XPNPEP1: variants seen among roughly 807,000 people sequenced by gnomAD.
XPNPEP1 encodes the protein X-prolyl aminopeptidase 1, also known as xaa-Pro aminopeptidase 1.
In XPNPEP1, 39 loss-of-function variants were observed where a neutral mutation model predicts 92.4. The ratio of observed to expected loss-of-function variants is 0.42; its 90% CI spans 0.33 to 0.55. The LOEUF (loss-of-function observed/expected upper bound fraction) is 0.55. Ranked by LOEUF, XPNPEP1 falls within the 20% of genes least tolerant of loss-of-function variation. The probability of loss-of-function intolerance (pLI) is 0.08; values close to 1 mark genes in which losing one functional copy is unlikely to be tolerated. For synonymous variants in XPNPEP1, 307 were observed against 299.4 expected (o/e 1.03, Z -0.26); for missense variants, 654 against 856.1 (o/e 0.76, Z 2.95).
At chr10:109,918,130 A>C (rs1164718257) in intron 1 of XPNPEP1, among the ~76,000 whole-genome samples, 1 of 151,892 alleles carries the variant, frequency 6.6e-6, no homozygotes, top group Non-Finnish European at 1.5e-5. Context: ...AAAAACAAAA[A>C]AACAAAAAAG....
rs1206483436 is a variant in XPNPEP1, at chr10:109,865,232, A to C, written c.1953T>G (p.Ala651=). The change falls in exon 21 of 21, where the codon GCT becomes GCG. Residue 651 remains alanine (A), a synonymous_variant. Transcript: ENST00000502935. Reference sequence around the variant, plus strand: ...GCGTCTCTCTGATGAGCCACTCGAGAGCTTCCTGGCGGCCCTGTTTCTGCA... The same window carrying C: ...GCGTCTCTCTGATGAGCCACTCGAGCGCTTCCTGGCGGCCCTGTTTCTGCA... The part of the protein sequence containing the change: ...KELQKQGRQE[A]LEWLIRETQP... The C allele has an allele frequency of 2.5e-6, 4 of 1,614,070 alleles. No individual in the cohort carries two copies.
In XPNPEP1 at chr10:109,867,079, G is replaced by A. The variant is rs963237701; in HGVS notation, c.1872+1535C>T. Among the ~76,000 whole-genome samples, 7 of 152,224 alleles carry A rather than the reference G, an allele frequency of 4.6e-5. No individual in the cohort carries two copies. The highest frequency in any genetic ancestry group is 1.4e-4 in the African/African-American group (6 of 41,458). ...CTGCATGACCTAGAATTACTTGGCA[G>A]GAATCCATAGCCTTGGACTTCCAAG... On this transcript the variant is annotated intron_variant, in intron 20 of 20. Coordinates refer to ENST00000502935, the MANE Select transcript of XPNPEP1 (RefSeq NM_020383.4). This position sits in a 1 kb window ranked among gnomAD's most constrained non-coding sequence, Gnocchi z 4.5.
At position 109,915,192 on chromosome 10, in the gene XPNPEP1, C is replaced by G. The variant is rs1260749905; in HGVS notation, c.33-93G>C. ...GGAGGCATCGCTTAACTTAGCAGTT[C>G]TCTAACATGAGTCAGAAGAACTTTC... is the stretch of plus-strand genomic sequence containing the variant. On this transcript the variant is annotated intron_variant, in intron 1 of 20. Transcript: ENST00000502935. 3 of 604,510 alleles carry G rather than the reference C, an allele frequency of 5.0e-6. No homozygotes were observed. In the East Asian group the frequency reaches 1.0e-4, roughly 20 times the overall value. 37.4% of individuals were successfully genotyped at this position (604,510 alleles called of 1,614,324 possible). A position where few individuals can be genotyped will look rare whatever the true frequency, so the allele number is the denominator to read the frequency against.
chr10:109,882,525 G>A lies in XPNPEP1; in HGVS notation c.948C>T (p.Ser316=), dbSNP rs547686831. The change falls in exon 10 of 21, where the codon AGC becomes AGT. Residue 316 remains serine (S), a synonymous_variant. Coordinates refer to ENST00000502935, the MANE Select transcript of XPNPEP1 (RefSeq NM_020383.4). ...GGTCAGCACACAGGGCCTTGAGCTC[G>A]CTCAGGATGGACTTGTAGGGATGCA... ...IQVHPYKSIL[S]ELKALCADLS... 3.8e-5 allele frequency: 62 copies of A among 1,614,192 alleles called. 1 individual carries two copies. In the Admixed American group the frequency reaches 5.2e-4, roughly 13 times the overall value.
chr10:109,886,171 A>G, intron 8 of XPNPEP1, 75 bp downstream of exon 8: 1 of 1,478,276 alleles, frequency 6.8e-7, no homozygotes, highest in Non-Finnish European at 9.3e-7. Context: ...GTTGAATGGC[A>G]TGAACACACA....
intron 3 of XPNPEP1, among the ~76,000 whole-genome samples, chr10:109,897,658 CT>C (rs11406139): frequency 9.6e-4 from 141 of 146,276 alleles, no homozygotes; most frequent in South Asian, 2.8e-3. Flanking sequence ...TCAGGTCTGA[CT>C]TTTTTTTTTT....
Position 109,915,004 on chromosome 10 carries a change from T to C in XPNPEP1, c.121+7A>G. 3 of 1,508,410 alleles carry C rather than the reference T, an allele frequency of 2.0e-6. No individual in the cohort carries two copies. The highest frequency in any genetic ancestry group is 2.7e-6 in the Non-Finnish European group (3 of 1,128,750). The allele number at this position is 1,508,410 out of a possible 1,614,324, so 93.4% of individuals were successfully genotyped here. On this transcript the variant is annotated splice_region_variant and intron_variant, in intron 2 of 20. Transcript: ENST00000502935. ...TGTTCCATCTAATTTCCAGACAAAA[T>C]TATTACCTGTTTCCACACCTGTGTC...
chr10:109,872,875 G>A (rs1847565205), intron 16 of XPNPEP1, among the ~76,000 whole-genome samples: 1 of 152,172 alleles, frequency 6.6e-6, no homozygotes, highest in African/African-American at 2.4e-5. Context: ...CAGGTCTCCA[G>A]ACCCCTAGTA....
chr10:109,887,820 C>T (rs1411011798), intron 7 of XPNPEP1, among the ~76,000 whole-genome samples: 1 of 152,192 alleles, frequency 6.6e-6, no homozygotes, highest in Non-Finnish European at 1.5e-5. Flanking sequence ...AAAAGCCACC[C>T]AAACGAGCTT....
intron 3 of XPNPEP1, 141 bp downstream of exon 3, chr10:109,907,550 T>C (rs1446920430): frequency 7.6e-6 from 10 of 1,313,784 alleles, no homozygotes; most frequent in East Asian, 2.4e-5. Flanking sequence ...GTGAGACCTA[T>C]TGGACACAGA....
chr10:109,904,615 CA>C (rs1446883395), intron 3 of XPNPEP1, among the ~76,000 whole-genome samples: 2 of 152,048 alleles, frequency 1.3e-5, no homozygotes, highest in African/African-American at 4.8e-5. Flanking sequence ...CTCATTGGGG[CA>C]AAGGACTTGA....
rs768527532 is a variant in XPNPEP1 at position 109,882,594 on chromosome 10, G to A, written c.879C>T (p.His293=). ...DRIDAPSVKE[H]LLLDLGLEAE... ...CTTCCAGACCCAAGTCAAGAAGCAG[G>A]TGCTCCTTCACACTGGGGGCGTCTA... The change falls in exon 10 of 21, where the codon CAC becomes CAT. Residue 293 remains histidine, a synonymous_variant. Coordinates refer to ENST00000502935, the MANE Select transcript of XPNPEP1 (RefSeq NM_020383.4). The A allele has an allele frequency of 1.2e-6, 2 of 1,614,160 alleles. No homozygotes were observed. The highest frequency in any genetic ancestry group is 1.7e-6 in the Non-Finnish European group (2 of 1,180,022).
At chr10:109,894,999 A>G (rs527755894) in intron 3 of XPNPEP1, among the ~76,000 whole-genome samples, 1 of 152,366 alleles carries the variant, frequency 6.6e-6, no homozygotes, top group East Asian at 1.9e-4. Flanking sequence ...CTCTTGTGAG[A>G]AACAGTAAGT....
At chr10:109,921,484 A>C (rs990132429) in intron 1 of XPNPEP1, among the ~76,000 whole-genome samples, 1 of 152,166 alleles carries the variant, frequency 6.6e-6, no homozygotes, top group African/African-American at 2.4e-5. Context: ...TTTTCCAAGA[A>C]ATTCTGGCAG....
chr10:109,886,726 ACAC>A (rs1172266333), intron 7 of XPNPEP1, among the ~76,000 whole-genome samples: 2 of 152,186 alleles, frequency 1.3e-5, no homozygotes, highest in East Asian at 3.8e-4. Flanking sequence ...AGCAATTAAC[ACAC>A]TACTGTAAAT....
intron 2 of XPNPEP1, among the ~76,000 whole-genome samples, chr10:109,911,046 G>C (rs1033159630): frequency 6.6e-6 from 1 of 152,130 alleles, no homozygotes; most frequent in African/African-American, 2.4e-5. Flanking sequence ...AGTTGTTATG[G>C]TGATCTCCAA....
At chr10:109,884,000 C>G (rs1848249448) in intron 9 of XPNPEP1, 67 bp downstream of exon 9, 14 of 1,450,734 alleles carry the variant, frequency 9.7e-6, no homozygotes, top group Non-Finnish European at 1.2e-5. Flanking sequence ...GGGCCAGGAC[C>G]AGAAAGGGCA....
intron 5 of XPNPEP1, chr10:109,891,336 G>A (rs903508363): frequency 6.4e-6 from 1 of 157,426 alleles, no homozygotes; most frequent in African/African-American, 2.4e-5. Flanking sequence ...GATCCTCAGA[G>A]AGAGCCTCAG....
intron 1 of XPNPEP1, 167 bp downstream of exon 1, chr10:109,923,235 C>G: frequency 2.0e-6 from 2 of 985,376 alleles, no homozygotes; most frequent in Non-Finnish European, 2.4e-6. Context: ...TCATGGACCC[C>G]TTCCCCCGGC....
Sources: gnomAD v4.1 joint callset for allele counts (sites outside exome capture counted in the v4.1 genomes callset) on GRCh38, gnomAD v4.1.1 for gene constraint, Gnocchi (gnomAD v3.1) non-coding constraint, MANE v1.5 for transcripts, NCBI Gene and HGNC (gene_info 2026-07-23, HGNC 2026-07-21) for gene names.